The following IQUB variants were observed in gnomAD, a reference collection of about 807,000 sequenced individuals.
IQUB encodes IQ motif and ubiquitin domain containing.
Under a neutral mutation model 86.4 loss-of-function variants are expected in IQUB, and 86 were observed. That is an observed-to-expected ratio of 1.00 (90% CI 0.84 to 1.19). The LOEUF (loss-of-function observed/expected upper bound fraction) is 1.19. Among genes scored for constraint, IQUB ranks in the 50% most tolerant of loss-of-function variants. IQUB has a pLI of 0.00. For synonymous variants in IQUB, 289 were observed against 304.5 expected, an observed-to-expected ratio of 0.95 and a Z score of 0.53; for missense variants, 946 against 916.9, an observed-to-expected ratio of 1.03 and a Z score of -0.41.
At chr7:123,481,275 A>C (rs1487243563) in intron 7 of IQUB, among the ~76,000 whole-genome samples, 1 of 152,078 alleles carries the variant, frequency 6.6e-6, no homozygotes, top group African/African-American at 2.4e-5. Context: ...CAAGACATAA[A>C]TATTTCTATT....
At chr7:123,497,870 A>C (rs1795772156) in intron 6 of IQUB, among the ~76,000 whole-genome samples, 1 of 151,774 alleles carries the variant, frequency 6.6e-6, no homozygotes, top group South Asian at 2.1e-4. Context: ...CATGCACTGG[A>C]GAAGCAAGTC....
At chr7:123,463,806 A>G (rs1019446530) in intron 10 of IQUB, among the ~76,000 whole-genome samples, 7 of 151,944 alleles carry the variant, frequency 4.6e-5, no homozygotes, top group African/African-American at 1.7e-4. Context: ...ATATAACATT[A>G]TGTAAAATTG....
Position 123,503,164 on chromosome 7 carries a change from TCAAAAATACTTTATCTAAAAGAC to T in IQUB, c.694+15_694+37del. ...AATGAAAGCTCAACCAAGAAGGGAC[TCAAAAATACTTTATCTAAAAGAC>T]ATCAAATAACGAACCAGTTTGGACA... On this transcript the variant is annotated intron_variant, in intron 4 of 12. Coordinates refer to ENST00000324698, the MANE Select transcript of IQUB (RefSeq NM_178827.5). 6.2e-7 allele frequency: 1 copy of T among 1,607,042 alleles called. No homozygotes were observed. The highest frequency in any genetic ancestry group is 2.2e-5 in the East Asian group (1 of 44,750).
At chr7:123,464,799 T>C in intron 10 of IQUB, 34 bp downstream of exon 10, 10 of 1,417,584 alleles carry the variant, frequency 7.1e-6, no homozygotes, top group South Asian at 1.4e-5. Flanking sequence ...TCTTAGGATT[T>C]TGAAACAGGA....
At chr7:123,462,324 A>G (rs1041029114) in intron 10 of IQUB, among the ~76,000 whole-genome samples, 1 of 151,864 alleles carries the variant, frequency 6.6e-6, no homozygotes, top group African/African-American at 2.4e-5. Flanking sequence ...ATATTTTTAT[A>G]AAGAAGGAAA....
At chr7:123,533,076 C>T (rs1216909327) in intron 1 of IQUB, 1 of 152,170 alleles carries the variant, frequency 6.6e-6, no homozygotes, top group Non-Finnish European at 1.5e-5. Context: ...CCAGTCCTGC[C>T]GCCGCCGATA....
At chr7:123,500,215 G>A (rs1295886139) in intron 6 of IQUB, among the ~76,000 whole-genome samples, 4 of 152,274 alleles carry the variant, frequency 2.6e-5, no homozygotes, top group South Asian at 4.1e-4. Flanking sequence ...TAATAAACTT[G>A]CTTTTACTTT....
At chr7:123,462,803 T>A (rs1424891828) in intron 10 of IQUB, 5 of 455,100 alleles carry the variant, frequency 1.1e-5, no homozygotes, top group Non-Finnish European at 2.2e-5. Context: ...GCATTTACTA[T>A]AATGCCATGG....
chr7:123,508,848 C>A (rs747676587), intron 3 of IQUB, among the ~76,000 whole-genome samples: 7 of 152,196 alleles, frequency 4.6e-5, no homozygotes, highest in Non-Finnish European at 1.0e-4. Flanking sequence ...GTAATTCCTA[C>A]ATCAAAAGGC....
At chr7:123,468,161 C>A (rs1373994316) in intron 9 of IQUB, among the ~76,000 whole-genome samples, 1 of 152,136 alleles carries the variant, frequency 6.6e-6, no homozygotes, top group Non-Finnish European at 1.5e-5. Context: ...GCATAGTGAC[C>A]TGTGGTTCAG....
In IQUB at chr7:123,503,187, C is replaced by T; in HGVS notation, c.694+15G>A. The T allele has an allele frequency of 6.2e-7, 1 of 1,607,904 alleles. No individual in the cohort carries two copies. The highest frequency in any genetic ancestry group is 8.5e-7 in the Non-Finnish European group (1 of 1,177,612). On this transcript the variant is annotated intron_variant, in intron 4 of 12. Transcript: ENST00000324698. ...ACTCAAAAATACTTTATCTAAAAGA[C>T]ATCAAATAACGAACCAGTTTGGACA... is the stretch of plus-strand genomic sequence containing the variant.
intron 11 of IQUB, chr7:123,457,952 G>T: frequency 6.2e-6 from 1 of 162,540 alleles, no homozygotes; most frequent in Non-Finnish European, 1.3e-5. Flanking sequence ...ACCTTTTACT[G>T]CCATTTTACA....
At chr7:123,468,855 T>C (rs1563434008) in intron 9 of IQUB, among the ~76,000 whole-genome samples, 1 of 152,120 alleles carries the variant, frequency 6.6e-6, no homozygotes, top group African/African-American at 2.4e-5. Flanking sequence ...AATCAATAAT[T>C]GATGAGAAAA....
chr7:123,476,238 G>A (rs1794739009), intron 8 of IQUB, among the ~76,000 whole-genome samples: 1 of 152,166 alleles, frequency 6.6e-6, no homozygotes. Flanking sequence ...ACAGTCTCAT[G>A]AGAGCATATA....
intron 9 of IQUB, among the ~76,000 whole-genome samples, chr7:123,468,592 A>G (rs1466468788): frequency 6.6e-6 from 1 of 152,214 alleles, no homozygotes; most frequent in Non-Finnish European, 1.5e-5. Flanking sequence ...ACAACTCTGG[A>G]TGGCCTTTCC....
intron 7 of IQUB, among the ~76,000 whole-genome samples, chr7:123,488,078 G>C (rs1417520831): frequency 2.0e-5 from 3 of 152,098 alleles, no homozygotes; most frequent in African/African-American, 7.2e-5. Flanking sequence ...GAGCTCAGTG[G>C]CTCATGTCTG....
chr7:123,530,421 G>A (rs1797475154), intron 1 of IQUB, among the ~76,000 whole-genome samples: 1 of 151,672 alleles, frequency 6.6e-6, no homozygotes, highest in Admixed American at 6.6e-5. Context: ...GGCGACAGAG[G>A]GAGACTCTGA....
intron 1 of IQUB, among the ~76,000 whole-genome samples, chr7:123,518,967 C>T (rs1169170953): frequency 1.3e-5 from 2 of 148,680 alleles, no homozygotes; most frequent in Admixed American, 1.3e-4. Flanking sequence ...CCTAATCATA[C>T]CTCAAATACC....
chr7:123,480,361 A>G (rs1184915022), intron 7 of IQUB, among the ~76,000 whole-genome samples: 1 of 152,138 alleles, frequency 6.6e-6, no homozygotes, highest in Non-Finnish European at 1.5e-5. Flanking sequence ...ACAGCATTTC[A>G]GATCTGCTGC....
Sources: gnomAD v4.1 joint callset for allele counts (sites outside exome capture counted in the v4.1 genomes callset) on GRCh38, gnomAD v4.1.1 for gene constraint, MANE v1.5 for transcripts, NCBI Gene and HGNC (gene_info 2026-07-23, HGNC 2026-07-21) for gene names.